The following IFIH1 variants were observed in gnomAD, a reference collection of about 807,000 sequenced individuals.
IFIH1 encodes interferon-induced helicase C domain-containing protein 1.
A neutral mutation model predicts 107.4 loss-of-function variants in IFIH1; 125 were observed. The observed-to-expected ratio is 1.16, with a 90% CI of 1.01 to 1.35. The LOEUF (loss-of-function observed/expected upper bound fraction) is 1.35. IFIH1 is among the 40% of genes most tolerant of loss of function. IFIH1 has a pLI of 0.00. For synonymous variants in IFIH1, 458 were observed against 413.2 expected, an observed-to-expected ratio of 1.11 and a Z score of -1.31; for missense variants, 1,333 against 1,213.7, an observed-to-expected ratio of 1.10 and a Z score of -1.46.
chr2:162,310,101 A>G (rs1683363590), intron 2 of IFIH1: 1 of 152,244 alleles, frequency 6.6e-6, no homozygotes, highest in Admixed American at 6.5e-5. Context: ...CACTTTTTAC[A>G]GCAAAGTTTT....
chr2:162,297,177 A>G (rs925721006), intron 3 of IFIH1, among the ~76,000 whole-genome samples: 6 of 152,136 alleles, frequency 3.9e-5, no homozygotes, highest in Non-Finnish European at 8.8e-5. Flanking sequence ...CAAAAAAGTG[A>G]GATCAAGAAA....
intron 3 of IFIH1, among the ~76,000 whole-genome samples, chr2:162,296,184 C>T (rs1435561566): frequency 2.6e-5 from 4 of 152,022 alleles, no homozygotes; most frequent in African/African-American, 9.7e-5. Context: ...AGATTTCTCC[C>T]AAGCTTTGTT....
In IFIH1 at chr2:162,271,784, A is replaced by G. The variant is rs567029720; in HGVS notation, c.2616+442T>C. Among the ~76,000 whole-genome samples, 275 of 152,316 alleles carry G rather than the reference A, an allele frequency of 1.8e-3. 1 individual carries two copies. The highest frequency in any genetic ancestry group is 6.0e-3 in the African/African-American group (251 of 41,578). ...TTCACCAGGCACACACTAGAAATAT[A>G]AACTTCGTGCAGCAGGAGTCTTATG... On this transcript the variant is annotated intron_variant, in intron 13 of 15. Transcript: ENST00000649979.
chr2:162,277,801 GT>G, intron 9 of IFIH1, 108 bp from the exon 10 acceptor site: 2 of 1,333,750 alleles, frequency 1.5e-6, no homozygotes, highest in Non-Finnish European at 1.0e-6. Context: ...CTTCACCTTG[GT>G]TTTAAAATGG....
chr2:162,272,261 CACAATGTATAGCTTTAT>C lies in IFIH1; in HGVS notation c.2564_2580del (p.Tyr855CysfsTer12). 6.2e-7 allele frequency: 1 copy of C among 1,612,354 alleles called. No individual in the cohort carries two copies. Among genetic ancestry groups the C allele is most frequent in the Non-Finnish European group, 8.5e-7 (1 of 1,178,986 alleles). On this transcript the variant is annotated frameshift_variant, in exon 13 of 16. Coordinates refer to ENST00000649979, the MANE Select transcript of IFIH1 (RefSeq NM_022168.4). LOFTEE classifies it high-confidence loss of function. Reference sequence around the variant, plus strand: ...TACTCCTCTGGTTTCATATTTTGAACACAATGTATAGCTTTATACATCATCTTCTCTCGGAAATCATT... The same window carrying C: ...TACTCCTCTGGTTTCATATTTTGAACACATCATCTTCTCTCGGAAATCATT...
At chr2:162,315,866 A>T (rs532699442) in intron 1 of IFIH1, among the ~76,000 whole-genome samples, 5 of 152,202 alleles carry the variant, frequency 3.3e-5, no homozygotes, top group Non-Finnish European at 7.3e-5. Context: ...ATGCACACAA[A>T]AATTATTCCA....
At position 162,314,425 on chromosome 2, in the gene IFIH1, T is replaced by G. The variant is rs1468935647; in HGVS notation, c.453+3430A>C. ...TTTCTTTCTTTCTTTCTTTTCTTTC[T>G]TTCTTTCTTTCTTTCTTTCTTTCTT... On this transcript the variant is annotated intron_variant, in intron 1 of 15. Transcript: ENST00000649979. Among the ~76,000 whole-genome samples the G allele has an allele frequency of 4.6e-4, 32 of 69,996 alleles. 2 individuals carry two copies. The highest frequency in any genetic ancestry group is 5.4e-4 in the Non-Finnish European group (21 of 38,948). The allele number at this position is 69,996 out of a possible 152,430, so 45.9% of individuals were successfully genotyped here. A position where few individuals can be genotyped will look rare whatever the true frequency, so the allele number is the denominator to read the frequency against.
chr2:162,309,562 A>G (rs1215412295), intron 2 of IFIH1, among the ~76,000 whole-genome samples: 1 of 152,168 alleles, frequency 6.6e-6, no homozygotes, highest in Non-Finnish European at 1.5e-5. Flanking sequence ...TGTCTCCTTC[A>G]GTTCAAACTG....
At chr2:162,310,614 G>A in intron 2 of IFIH1, 151 bp downstream of exon 2, 1 of 617,794 alleles carries the variant, frequency 1.6e-6, no homozygotes, top group Non-Finnish European at 2.8e-6. Context: ...CATTTGTTAA[G>A]GTGATAAAAT....
chr2:162,301,145 G>A (rs544400941), intron 3 of IFIH1, among the ~76,000 whole-genome samples: 1 of 152,232 alleles, frequency 6.6e-6, no homozygotes, highest in East Asian at 1.9e-4. Flanking sequence ...GGAACATATG[G>A]GGAAATATGA....
chr2:162,311,578 A>G (rs535633177), intron 1 of IFIH1, among the ~76,000 whole-genome samples: 19 of 152,040 alleles, frequency 1.2e-4, no homozygotes, highest in African/African-American at 4.1e-4. Context: ...TTATTTTTAT[A>G]TCCATTCATT....
chr2:162,280,148 A>T lies in IFIH1; in HGVS notation c.1525-36T>A, dbSNP rs916781126. Reference sequence around the variant, plus strand: ...GACATTTTTCAATATTTATGCAATTATTTTTCCCTTTCACTTTATTCAACG... The same window carrying T: ...GACATTTTTCAATATTTATGCAATTTTTTTTCCCTTTCACTTTATTCAACG... On this transcript the variant is annotated intron_variant, in intron 7 of 15. Transcript: ENST00000649979. 14 of 1,105,962 alleles carry T rather than the reference A, an allele frequency of 1.3e-5. No individual in the cohort carries two copies. The African/African-American group carries it at 1.7e-4, about 14-fold the overall frequency. The allele number at this position is 1,105,962 out of a possible 1,614,324, so 68.5% of individuals were successfully genotyped here. A position where few individuals can be genotyped will look rare whatever the true frequency, so the allele number is the denominator to read the frequency against.
rs1453617092 is a variant in IFIH1, at chr2:162,282,579, TA to T, written c.1096-4del. ...AAGAGCTGTTCAACTAGCAGTACCT[TA>T]AAAAAATGTGAAGATTTTTTAAAAG... On this transcript the variant is annotated splice_polypyrimidine_tract_variant and splice_region_variant and intron_variant, in intron 5 of 15. Transcript: ENST00000649979. 5.0e-6 allele frequency: 8 copies of T among 1,587,292 alleles called. No individual in the cohort carries two copies. Among genetic ancestry groups the T allele is most frequent in the African/African-American group, 4.1e-5 (3 of 73,648 alleles).
intron 4 of IFIH1, among the ~76,000 whole-genome samples, chr2:162,291,230 T>C (rs866521705): frequency 6.6e-5 from 10 of 151,848 alleles, no homozygotes; most frequent in Non-Finnish European, 7.4e-5. Context: ...CTACACCATG[T>C]GGCAAATTTC....
intron 3 of IFIH1, among the ~76,000 whole-genome samples, chr2:162,295,877 A>G (rs1052816000): frequency 3.9e-5 from 6 of 151,988 alleles, no homozygotes; most frequent in African/African-American, 1.2e-4. Flanking sequence ...GTAAAATGAG[A>G]TGGGGAAAAT....
At chr2:162,308,579 T>A (rs1683331626) in intron 2 of IFIH1, among the ~76,000 whole-genome samples, 1 of 152,118 alleles carries the variant, frequency 6.6e-6, no homozygotes, top group Admixed American at 6.5e-5. Flanking sequence ...GGTTTCGCCA[T>A]GTTGGCCAGG....
At chr2:162,317,667 T>C (rs1047531112) in intron 1 of IFIH1, among the ~76,000 whole-genome samples, 188 bp downstream of exon 1, 3 of 152,244 alleles carry the variant, frequency 2.0e-5, no homozygotes, top group African/African-American at 7.2e-5. Flanking sequence ...AGTGAAAACA[T>C]TAGAAAAGTA....
intron 4 of IFIH1, among the ~76,000 whole-genome samples, chr2:162,290,285 A>C (rs1293059635): frequency 6.6e-6 from 1 of 151,752 alleles, no homozygotes; most frequent in East Asian, 1.9e-4. Context: ...AATTTCCCCC[A>C]TTTTTCATGC....
chr2:162,298,780 A>ACGCG (rs1440598668), intron 3 of IFIH1, among the ~76,000 whole-genome samples: 2 of 151,096 alleles, frequency 1.3e-5, no homozygotes, highest in Admixed American at 1.3e-4. Context: ...ACACACACGC[A>ACGCG]CGCGCGCGCG....
Sources: gnomAD v4.1 joint callset for allele counts (sites outside exome capture counted in the v4.1 genomes callset) on GRCh38, gnomAD v4.1.1 for gene constraint, MANE v1.5 for transcripts, NCBI Gene and HGNC (gene_info 2026-07-23, HGNC 2026-07-21) for gene names.